The following SHC4 variants were observed in gnomAD, a reference collection of about 807,000 sequenced individuals.
The protein encoded by SHC4 is SHC adaptor protein 4.
In SHC4, 41 loss-of-function variants were observed where a neutral mutation model predicts 69.4. That is an observed-to-expected ratio of 0.59 (90% CI 0.46 to 0.77). SHC4 has a LOEUF of 0.77. Among genes scored for constraint, SHC4 ranks in the 30% least tolerant of loss-of-function variants. The pLI, the probability that SHC4 is intolerant of heterozygous loss-of-function variation, is 0.00. For missense variants in SHC4, 777 were observed against 783.8 expected, an observed-to-expected ratio of 0.99 and a Z score of 0.10; for synonymous variants, 318 against 299.3, an observed-to-expected ratio of 1.06 and a Z score of -0.64.
chr15:48,872,001 A>T, intron 5 of SHC4, 88 bp downstream of exon 5: 1 of 834,894 alleles, frequency 1.2e-6, no homozygotes, highest in Non-Finnish European at 1.9e-6. Flanking sequence ...GGTTTATGTA[A>T]AAGTTATTTT....
chr15:48,962,929 C>A lies in SHC4; in HGVS notation c.87G>T (p.Lys29Asn). 6.2e-7 allele frequency: 1 copy of A among 1,613,292 alleles called. No homozygotes were observed. Among genetic ancestry groups the A allele is most frequent in the Non-Finnish European group, 8.5e-7 (1 of 1,180,032 alleles). ...FGHPGMLHRA[K>N]YSRFRNESIT... is the part of the protein sequence containing the mutation. ...TCGACTCGTTCCGAAAGCGGCTGTA[C>A]TTGGCCCTGTGCAGCATCCCGGGGT... Residue 29 changes from lysine to asparagine, a missense_variant, in exon 1 of 12, where the codon AAG (lysine) becomes AAT (asparagine). Coordinates refer to ENST00000332408, the MANE Select transcript of SHC4 (RefSeq NM_203349.4).
intron 2 of SHC4, among the ~76,000 whole-genome samples, chr15:48,891,968 C>G (rs1158219700): frequency 1.3e-5 from 2 of 152,208 alleles, no homozygotes; most frequent in Admixed American, 6.5e-5. Context: ...CATTCTCCTG[C>G]CTCAGCCTCC....
chr15:48,961,880 G>A (rs1005801319), intron 1 of SHC4, among the ~76,000 whole-genome samples: 5 of 152,216 alleles, frequency 3.3e-5, no homozygotes, highest in Non-Finnish European at 5.9e-5. Context: ...ATGTGCACCG[G>A]AGAGCTAAGA....
rs1332132447 is a variant in SHC4, at chr15:48,834,795, G to C, written c.1711C>G (p.Leu571Val). ...SGLQGGQAKH[L>V]LLVDPEGKVR... Reference sequence around the variant, plus strand: ...TTGCCTTCAGGATCCACCAGGAGAAGATGTTTTGCTTGGCCTCCCTGTAGT... The same window carrying C: ...TTGCCTTCAGGATCCACCAGGAGAACATGTTTTGCTTGGCCTCCCTGTAGT... Residue 571 changes from leucine (L) to valine (V), a missense_variant, in exon 11 of 12, where the codon CTT becomes GTT. Physicochemically the swap from Leu to Val is conservative, Grantham distance 32. Transcript: ENST00000332408. 6.2e-7 allele frequency: 1 copy of C among 1,614,192 alleles called. No homozygotes were observed. Among genetic ancestry groups the C allele is most frequent in the South Asian group, 1.1e-5 (1 of 91,082 alleles).
intron 1 of SHC4, among the ~76,000 whole-genome samples, chr15:48,938,632 C>T (rs951496236): frequency 4.6e-5 from 7 of 152,302 alleles, no homozygotes; most frequent in Non-Finnish European, 8.8e-5. Flanking sequence ...CTTTCTCTTG[C>T]AATTGGGGAG....
chr15:48,847,831 C>T (rs559596049), intron 9 of SHC4, among the ~76,000 whole-genome samples: 1 of 151,646 alleles, frequency 6.6e-6, no homozygotes, highest in Non-Finnish European at 1.5e-5. Context: ...GGAGAAACCC[C>T]GTCTCTACTA....
intron 2 of SHC4, among the ~76,000 whole-genome samples, chr15:48,924,417 C>G (rs1316077438): frequency 6.6e-6 from 1 of 152,220 alleles, no homozygotes; most frequent in African/African-American, 2.4e-5. Context: ...CCTGATTCCA[C>G]TGTTCCATCT....
At position 48,825,978 on chromosome 15, in the gene SHC4, T is replaced by C. The variant is rs1898680308; in HGVS notation, c.1886A>G (p.Asn629Ser). The C allele has an allele frequency of 1.2e-6, 2 of 1,613,378 alleles. No individual in the cohort carries two copies. Among genetic ancestry groups the C allele is most frequent in the Admixed American group, 1.7e-5 (1 of 59,854 alleles). ...GATGGTGCTTCAATACTGTCATTTGTTGGAATGCAAAAGTGCTGGATTATT... is the reference window on the plus strand; with the variant it reads ...GATGGTGCTTCAATACTGTCATTTGCTGGAATGCAAAAGTGCTGGATTATT... ...KDNNPALLHS[N>S]K The change falls in exon 12 of 12, where the codon AAC (asparagine) becomes AGC (serine). Residue 629 changes from asparagine to serine, a missense_variant. Transcript: ENST00000332408.
At chr15:48,917,686 C>T (rs928579761) in intron 2 of SHC4, among the ~76,000 whole-genome samples, 4 of 152,132 alleles carry the variant, frequency 2.6e-5, no homozygotes, top group African/African-American at 9.7e-5. Context: ...GGGACTAAAT[C>T]TAGAGTCAAG....
Position 48,825,889 on chromosome 15 carries a change from A to G in SHC4, c.*82T>C. 11 of 1,506,254 alleles carry G rather than the reference A, an allele frequency of 7.3e-6. No individual in the cohort carries two copies. The highest frequency in any genetic ancestry group is 8.9e-6 in the Non-Finnish European group (10 of 1,117,410). 93.3% of individuals were successfully genotyped at this position (1,506,254 alleles called of 1,614,324 possible). ...TCACAGTTTGTGCTCTATTTTATCT[A>G]CAAACAAAGTTTAAATTATCTTTGT... On this transcript the variant is annotated 3_prime_UTR_variant, in exon 12 of 12. Transcript: ENST00000332408.
chr15:48,862,180 T>C (rs1899458427), intron 6 of SHC4, among the ~76,000 whole-genome samples: 1 of 151,032 alleles, frequency 6.6e-6, no homozygotes. Context: ...TTTAAGTTGG[T>C]TTTACTGGTT....
At chr15:48,951,079 C>T (rs780267843) in intron 1 of SHC4, among the ~76,000 whole-genome samples, 1 of 152,072 alleles carries the variant, frequency 6.6e-6, no homozygotes, top group Non-Finnish European at 1.5e-5. Flanking sequence ...CTACCCTCTC[C>T]TTGTGGCAGC....
At chr15:48,959,671 T>A (rs996186781) in intron 1 of SHC4, among the ~76,000 whole-genome samples, 8 of 152,256 alleles carry the variant, frequency 5.3e-5, no homozygotes, top group African/African-American at 1.9e-4. Flanking sequence ...AGGTTTGATT[T>A]AAAATTTTTT....
chr15:48,840,476 A>G (rs1265717919), intron 10 of SHC4, among the ~76,000 whole-genome samples: 1 of 152,134 alleles, frequency 6.6e-6, no homozygotes, highest in Non-Finnish European at 1.5e-5. Context: ...GTTTGGTTAT[A>G]CTGAATTATC....
chr15:48,962,910 C>G lies in SHC4; in HGVS notation c.106G>C (p.Glu36Gln), dbSNP rs151037726. The change falls in exon 1 of 12, where the codon GAG becomes CAG. Residue 36 changes from glutamate (E) to glutamine (Q), a missense_variant. By Grantham distance (29) the Glu-to-Gln change is conservative (BLOSUM62 2). Transcript: ENST00000332408. ...HRAKYSRFRN[E>Q]SITSLDEGSS... Reference sequence around the variant, plus strand: ...CCTTCGTCCAAGGACGTGATCGACTCGTTCCGAAAGCGGCTGTACTTGGCC... The same window carrying G: ...CCTTCGTCCAAGGACGTGATCGACTGGTTCCGAAAGCGGCTGTACTTGGCC... 6.2e-7 allele frequency: 1 copy of G among 1,613,362 alleles called. No homozygotes were observed. Among genetic ancestry groups the G allele is most frequent in the Non-Finnish European group, 8.5e-7 (1 of 1,180,026 alleles).
rs1901575853 is a variant in SHC4 at position 48,963,135 on chromosome 15, A to G, written c.-120T>C. 1 of 1,082,440 alleles carries G rather than the reference A, an allele frequency of 9.2e-7. No individual in the cohort carries two copies. Among genetic ancestry groups the G allele is most frequent in the Non-Finnish European group, 1.3e-6 (1 of 764,674 alleles). The allele number at this position is 1,082,440 out of a possible 1,614,324, so 67.1% of individuals were successfully genotyped here. A position where few individuals can be genotyped will look rare whatever the true frequency, so the allele number is the denominator to read the frequency against. Reference sequence around the variant, plus strand: ...GCAACTCACAGCAGCCACCTCTCCAACTCTGCTCTCGAGCTCGCCCACCTC... The same window carrying G: ...GCAACTCACAGCAGCCACCTCTCCAGCTCTGCTCTCGAGCTCGCCCACCTC... On this transcript the variant is annotated 5_prime_UTR_variant, in exon 1 of 12. Coordinates refer to ENST00000332408, the MANE Select transcript of SHC4 (RefSeq NM_203349.4).
chr15:48,938,128 G>A (rs796215723), intron 1 of SHC4: 3 of 152,158 alleles, frequency 2.0e-5, no homozygotes, highest in African/African-American at 7.2e-5. Context: ...AACCTGGTGG[G>A]ACTGGTTCTC....
chr15:48,855,403 C>T (rs1241291851), intron 8 of SHC4, among the ~76,000 whole-genome samples: 4 of 152,028 alleles, frequency 2.6e-5, no homozygotes, highest in Non-Finnish European at 4.4e-5. Context: ...GTATAGTGCA[C>T]ATGTTAACAC....
At chr15:48,927,578 T>A (rs10519199) in intron 1 of SHC4, among the ~76,000 whole-genome samples, 4 of 151,800 alleles carry the variant, frequency 2.6e-5, no homozygotes, top group Non-Finnish European at 4.4e-5. Flanking sequence ...ATCAAAACAA[T>A]CTCGTTACTA....
Sources: allele counts gnomAD v4.1 joint callset (sites outside exome capture counted in the v4.1 genomes callset), GRCh38; gene constraint gnomAD v4.1.1; transcripts MANE v1.5; gene names NCBI Gene and HGNC (gene_info 2026-07-23, HGNC 2026-07-21).